The following GSN variants were observed in gnomAD, a reference collection of about 807,000 sequenced individuals.
GSN encodes the protein gelsolin.
A neutral mutation model predicts 85.7 loss-of-function variants in GSN; 56 were observed. The ratio of observed to expected loss-of-function variants is 0.65; its 90% CI spans 0.53 to 0.82. GSN has a LOEUF of 0.82. Ranked by LOEUF, GSN falls within the 40% of genes least tolerant of loss-of-function variation. The pLI is 0.00. For missense variants in GSN, 857 were observed against 979.8 expected (o/e 0.87, Z 1.67); for synonymous variants, 373 against 399.1 (o/e 0.93, Z 0.78).
chr9:121,286,355 GT>G (rs1385974241), intron 2 of GSN, among the ~76,000 whole-genome samples: 1 of 152,208 alleles, frequency 6.6e-6, no homozygotes, highest in Admixed American at 6.5e-5. Flanking sequence ...AATCCTCAGT[GT>G]GTCCGGTCAG....
At chr9:121,209,222 C>A (rs181366317) in intron 1 of GSN, 1 of 152,314 alleles carries the variant, frequency 6.6e-6, no homozygotes, top group East Asian at 1.9e-4. Flanking sequence ...AGGAGCAGCT[C>A]CCTCCCTATC....
chr9:121,279,440 G>A (rs1303564670), intron 1 of GSN, among the ~76,000 whole-genome samples: 1 of 152,094 alleles, frequency 6.6e-6, no homozygotes, highest in African/African-American at 2.4e-5. Flanking sequence ...CAGGCAAGAG[G>A]TGATGGGGCT....
upstream of GSN, among the ~76,000 whole-genome samples, chr9:121,266,652 A>G (rs113482588): frequency 5.3e-5 from 8 of 152,216 alleles, no homozygotes; most frequent in Non-Finnish European, 8.8e-5. Flanking sequence ...ACTGCACAGT[A>G]TCAGTAGTGT....
rs2063185165 is a variant in GSN, at chr9:121,326,504, C to T, written c.1417-8C>T. The stretch of plus-strand genomic sequence containing the variant: ...GGTCCCTGACTTGCTCTCCTGTCTC[C>T]CTGCCAGAGCCGTGTGGTCCAAGGC... On this transcript the variant is annotated splice_polypyrimidine_tract_variant and splice_region_variant and intron_variant, in intron 12 of 17. Coordinates refer to ENST00000432226, the MANE Select transcript of GSN (RefSeq NM_198252.3). 1.2e-6 allele frequency: 2 copies of T among 1,613,146 alleles called. No individual in the cohort carries two copies. The highest frequency in any genetic ancestry group is 1.1e-5 in the South Asian group (1 of 91,028).
At chr9:121,278,633 C>T (rs1445013526) in intron 1 of GSN, among the ~76,000 whole-genome samples, 4 of 152,222 alleles carry the variant, frequency 2.6e-5, no homozygotes, top group Non-Finnish European at 5.9e-5. Flanking sequence ...AGCAAACAGG[C>T]ACGTAGTGAG....
intron 4 of GSN, chr9:121,231,031 C>G (rs1035908601): frequency 1.3e-5 from 2 of 152,156 alleles, no homozygotes; most frequent in African/African-American, 4.8e-5. Context: ...ACATTCCTAA[C>G]GCTAAAACCA....
At chr9:121,282,194 C>G in intron 2 of GSN, 1 of 531,740 alleles carries the variant, frequency 1.9e-6, no homozygotes, top group Non-Finnish European at 3.5e-6. Flanking sequence ...CAGCTTCAGC[C>G]TCGGTTTCTC....
chr9:121,216,787 C>T (rs933777203), intron 4 of GSN, among the ~76,000 whole-genome samples: 5 of 152,136 alleles, frequency 3.3e-5, no homozygotes, highest in African/African-American at 7.2e-5. Flanking sequence ...CTAGGACTGC[C>T]GTAACAAATA....
rs306785 is a variant in GSN, at chr9:121,310,898, T to C, written c.513+53T>C. 0.8 allele frequency: 1,264,465 copies of C among 1,572,304 alleles called. 510,603 individuals are homozygous for C. Among genetic ancestry groups the C allele is most frequent in the East Asian group, 0.99 (44,199 of 44,642 alleles). ...AGCCACTGAGGTGCTCCTGGTCTGA[T>C]CAGGGACTTGGGTACATCCACGTGA... On this transcript the variant is annotated intron_variant, in intron 5 of 17. Coordinates refer to ENST00000432226, the MANE Select transcript of GSN (RefSeq NM_198252.3).
chr9:121,331,318 C>A, intron 16 of GSN, 70 bp from the exon 17 acceptor site: 1 of 944,856 alleles, frequency 1.1e-6, no homozygotes, highest in East Asian at 2.5e-5. Context: ...TGGCCCCTCC[C>A]CAGTCTTCCT....
intron 5 of GSN, among the ~76,000 whole-genome samples, chr9:121,233,120 A>G (rs986013836): frequency 6.6e-6 from 1 of 152,146 alleles, no homozygotes; most frequent in Non-Finnish European, 1.5e-5. Context: ...GGCCTTTAAT[A>G]AGACTAACAA....
intron 5 of GSN, among the ~76,000 whole-genome samples, chr9:121,242,021 T>C (rs1588464559): frequency 1.3e-5 from 2 of 152,230 alleles, no homozygotes; most frequent in Admixed American, 1.3e-4. Flanking sequence ...GGACAACTTA[T>C]TATTTCTTTT....
chr9:121,268,541 G>T (rs1166621159), intron 1 of GSN, among the ~76,000 whole-genome samples: 2 of 152,090 alleles, frequency 1.3e-5, no homozygotes, highest in Non-Finnish European at 2.9e-5. Context: ...CTGGCCCGGG[G>T]TCACCCCTGC....
intron 2 of GSN, among the ~76,000 whole-genome samples, chr9:121,295,377 C>T (rs971098706): frequency 3.9e-5 from 6 of 152,124 alleles, no homozygotes; most frequent in Non-Finnish European, 7.4e-5. Flanking sequence ...GTCAGAAGGG[C>T]GGGTGCTCCT....
chr9:121,306,613 T>C (rs1422820434), intron 4 of GSN, among the ~76,000 whole-genome samples: 1 of 152,248 alleles, frequency 6.6e-6, no homozygotes, highest in East Asian at 1.9e-4. Flanking sequence ...CAATTTATCC[T>C]GTAGAATTTT....
chr9:121,287,132 C>G (rs772117558), intron 2 of GSN, among the ~76,000 whole-genome samples: 7 of 152,186 alleles, frequency 4.6e-5, no homozygotes, highest in Non-Finnish European at 1.0e-4. Flanking sequence ...TGGGCCTATT[C>G]TCTTCCCCAG....
At chr9:121,236,140 T>G (rs1475755645) in intron 5 of GSN, among the ~76,000 whole-genome samples, 2 of 152,210 alleles carry the variant, frequency 1.3e-5, no homozygotes, top group Non-Finnish European at 2.9e-5. Context: ...CAGGTGTTTC[T>G]TGGTTTGTGG....
At chr9:121,279,019 C>T (rs1169593262) in intron 1 of GSN, among the ~76,000 whole-genome samples, 4 of 152,198 alleles carry the variant, frequency 2.6e-5, no homozygotes, top group Non-Finnish European at 5.9e-5. Flanking sequence ...TCTTGAGCTG[C>T]GGTGGTCCCA....
chr9:121,331,274 T>A, intron 16 of GSN, 114 bp from the exon 17 acceptor site: 2 of 722,408 alleles, frequency 2.8e-6, no homozygotes, highest in South Asian at 3.0e-5. Flanking sequence ...ATGGGCTCTG[T>A]TAGAAAGGGG....
Sources: allele counts gnomAD v4.1 joint callset (sites outside exome capture counted in the v4.1 genomes callset), GRCh38; gene constraint gnomAD v4.1.1; transcripts MANE v1.5; gene names NCBI Gene and HGNC (gene_info 2026-07-23, HGNC 2026-07-21).